The following HSP90AA1 variants were observed in gnomAD, a reference collection of about 807,000 sequenced individuals.
HSP90AA1 encodes the protein heat shock protein HSP 90-alpha.
Under a neutral mutation model 73.3 loss-of-function variants are expected in HSP90AA1, and 18 were observed. The observed-to-expected ratio is 0.25, with a 90% CI of 0.17 to 0.36. The LOEUF is 0.36. HSP90AA1 is among the 10% of genes least tolerant of loss of function. The probability of loss-of-function intolerance (pLI) is 1.00; values close to 1 mark genes in which losing one functional copy is unlikely to be tolerated. For synonymous variants in HSP90AA1, 477 were observed against 296.9 expected, an observed-to-expected ratio of 1.61 and a Z score of -6.24; for missense variants, 704 against 874.2, an observed-to-expected ratio of 0.81 and a Z score of 2.45.
Position 102,085,827 on chromosome 14 carries a change from G to C in HSP90AA1, c.460C>G (p.His154Asp). Residue 154 changes from histidine to aspartate, a missense_variant, in exon 3 of 11, where the codon CAT (histidine) becomes GAT (aspartate). Coordinates refer to ENST00000216281, the MANE Select transcript of HSP90AA1 (RefSeq NM_005348.4). ...CAAGCGTACTGCTCATCATCGTTATGTTTGGTGATCACAGTTACTTTCTCA... is the reference window on the plus strand; with the variant it reads ...CAAGCGTACTGCTCATCATCGTTATCTTTGGTGATCACAGTTACTTTCTCA... ...VAEKVTVITK[H>D]NDDEQYAWES... The C allele has an allele frequency of 6.2e-7, 1 of 1,613,912 alleles. No homozygotes were observed. The highest frequency in any genetic ancestry group is 8.5e-7 in the Non-Finnish European group (1 of 1,179,850).
rs762349328 is a variant in HSP90AA1 at position 102,084,847 on chromosome 14, C to A, written c.815G>T (p.Gly272Val). Residue 272 changes from glycine (G) to valine (V), a missense_variant, in exon 5 of 11, where the codon GGT (glycine) becomes GTT (valine). By Grantham distance (109) the Gly-to-Val change is moderately radical. Transcript: ENST00000216281. Reference protein sequence around the residue: ...GSDEEEEKKDGDKKKKKKIKE... With the variant: ...GSDEEEEKKDVDKKKKKKIKE... ...AATCTTCTTCTTCTTCTTCTTGTCA[C>A]CATCCTTCTTTTCTTCTTCCTCATC... The A allele has an allele frequency of 1.9e-6, 3 of 1,591,154 alleles. No individual in the cohort carries two copies. The highest frequency in any genetic ancestry group is 2.6e-6 in the Non-Finnish European group (3 of 1,159,308).
At chr14:102,117,208 G>A (rs531905833) in intron 1 of HSP90AA1, among the ~76,000 whole-genome samples, 28 of 152,288 alleles carry the variant, frequency 1.8e-4, no homozygotes, top group Non-Finnish European at 3.2e-4. Flanking sequence ...CCTGGGTGCC[G>A]TGAAAAGTTG....
intron 9 of HSP90AA1, chr14:102,082,822 G>A (rs868147490): frequency 2.6e-5 from 15 of 584,184 alleles, no homozygotes; most frequent in African/African-American, 1.1e-4. Context: ...GAGTTTCACC[G>A]TGTTAGCCAG....
chr14:102,099,334 A>G (rs1198639231), intron 2 of HSP90AA1, among the ~76,000 whole-genome samples: 5 of 151,994 alleles, frequency 3.3e-5, no homozygotes, highest in Admixed American at 2.0e-4. Flanking sequence ...CGAGGCATGC[A>G]GATCACCTGA....
chr14:102,137,531 G>A (rs1051843547), intron 1 of HSP90AA1, among the ~76,000 whole-genome samples: 6 of 151,614 alleles, frequency 4.0e-5, no homozygotes, highest in African/African-American at 1.2e-4. Flanking sequence ...TCACCATGTT[G>A]GCCAGGCGGT....
intron 1 of HSP90AA1, among the ~76,000 whole-genome samples, chr14:102,113,463 C>T (rs2049667789): frequency 2.0e-5 from 3 of 151,918 alleles, no homozygotes; most frequent in Non-Finnish European, 2.9e-5. Context: ...TTGCTGTAAC[C>T]TCCGCCTCCC....
At chr14:102,112,257 G>C (rs1265667299) in intron 1 of HSP90AA1, among the ~76,000 whole-genome samples, 1 of 152,120 alleles carries the variant, frequency 6.6e-6, no homozygotes, top group Non-Finnish European at 1.5e-5. Flanking sequence ...ACTGCAGCCT[G>C]TGCCTCCTGG....
intron 1 of HSP90AA1, among the ~76,000 whole-genome samples, chr14:102,123,341 C>CACA (rs1370756298): frequency 6.6e-6 from 1 of 152,004 alleles, no homozygotes; most frequent in African/African-American, 2.4e-5. Flanking sequence ...GAGCCAAGAT[C>CACA]ACAACCACTG....
Position 102,083,642 on chromosome 14 carries a change from T to G in HSP90AA1, c.1390A>C (p.Arg464=). 1.2e-6 allele frequency: 2 copies of G among 1,613,436 alleles called. No homozygotes were observed. Among genetic ancestry groups the G allele is most frequent in the Non-Finnish European group, 8.5e-7 (1 of 1,179,488 alleles). The change falls in exon 8 of 11, where the codon AGG becomes CGG. Residue 464 remains arginine (R), a synonymous_variant. Transcript: ENST00000216281. ...TCACCAGAGGCAGATGTGTAGTACC[T>G]TAACAGCTCTGAAAGCTTCTTCCGA... is the stretch of plus-strand genomic sequence containing the variant. The part of the protein sequence containing the change: ...QNRKKLSELL[R]YYTSASGDEM...
At chr14:102,131,199 C>T (rs561164856) in intron 1 of HSP90AA1, among the ~76,000 whole-genome samples, 21 of 152,346 alleles carry the variant, frequency 1.4e-4, no homozygotes, top group African/African-American at 5.1e-4. Context: ...CATGCTCTTC[C>T]TCAGCCTTCC....
intron 1 of HSP90AA1, among the ~76,000 whole-genome samples, chr14:102,117,162 C>T (rs1411392370): frequency 6.6e-6 from 1 of 152,128 alleles, no homozygotes; most frequent in African/African-American, 2.4e-5. Flanking sequence ...AAGGGCAGCT[C>T]GGCACTGGCC....
chr14:102,086,631 C>T (rs2049245515), intron 1 of HSP90AA1, among the ~76,000 whole-genome samples: 3 of 151,510 alleles, frequency 2.0e-5, no homozygotes, highest in Non-Finnish European at 4.4e-5. Context: ...CAACGAACAC[C>T]CCGGGTGCCC....
Position 102,082,392 on chromosome 14 carries a change from G to C in HSP90AA1, c.1808C>G (p.Thr603Arg). ...VTSPCCIVTS[T>R]YGWTANMERI... ...CTCCATGTTTGCTGTCCAGCCATAT[G>C]TGCTTGTGACAATACAGCATGGAGA... The change falls in exon 10 of 11, where the codon ACA becomes AGA. Residue 603 changes from threonine to arginine, a missense_variant. Coordinates refer to ENST00000216281, the MANE Select transcript of HSP90AA1 (RefSeq NM_005348.4). The C allele has an allele frequency of 6.2e-7, 1 of 1,613,870 alleles. No homozygotes were observed. Among genetic ancestry groups the C allele is most frequent in the Non-Finnish European group, 8.5e-7 (1 of 1,179,964 alleles).
intron 3 of HSP90AA1, 34 bp downstream of exon 3, chr14:102,085,724 C>T (rs367863816): frequency 3.7e-6 from 6 of 1,613,742 alleles, no homozygotes; most frequent in East Asian, 4.5e-5. Flanking sequence ...ACCCTTCCAC[C>T]GCTCACTTAA....
intron 1 of HSP90AA1, among the ~76,000 whole-genome samples, chr14:102,133,300 G>C (rs1357059946): frequency 6.6e-6 from 1 of 151,862 alleles, no homozygotes; most frequent in Non-Finnish European, 1.5e-5. Context: ...CAAAACAATA[G>C]AAGATAATTA....
Position 102,083,532 on chromosome 14 carries a change from T to G in HSP90AA1, c.1486+14A>C. Reference sequence around the variant, plus strand: ...AAGAACGACGTGTATGACTGTAACATAGTGTTCTCTTACCTGTGATATAAT... The same window carrying G: ...AAGAACGACGTGTATGACTGTAACAGAGTGTTCTCTTACCTGTGATATAAT... On this transcript the variant is annotated intron_variant, in intron 8 of 10. Transcript: ENST00000216281. 5 of 1,611,732 alleles carry G rather than the reference T, an allele frequency of 3.1e-6. No homozygotes were observed. The highest frequency in any genetic ancestry group is 4.2e-6 in the Non-Finnish European group (5 of 1,178,448).
rs189669944 is a variant in HSP90AA1, at chr14:102,126,336, A to G, written c.155+12914T>C. Among the ~76,000 whole-genome samples the G allele has an allele frequency of 9.8e-5, 15 of 152,342 alleles. No individual in the cohort carries two copies. In the East Asian group the frequency reaches 2.9e-3, roughly 29 times the overall value. On this transcript the variant is annotated intron_variant, in intron 1 of 11. Transcript: ENST00000334701. Reference sequence around the variant, plus strand: ...ACATGGAAACACCAGGAAAAGAGAAAAACAAAACGCAAAAATATGAAGAAG... The same window carrying G: ...ACATGGAAACACCAGGAAAAGAGAAGAACAAAACGCAAAAATATGAAGAAG...
intron 1 of HSP90AA1, among the ~76,000 whole-genome samples, chr14:102,111,464 C>G (rs1381941345): frequency 1.3e-5 from 2 of 152,224 alleles, no homozygotes; most frequent in African/African-American, 4.8e-5. Flanking sequence ...GGTTTGGGAA[C>G]CTCTGCCTAG....
At chr14:102,114,873 G>C (rs1032935252) in intron 1 of HSP90AA1, among the ~76,000 whole-genome samples, 1 of 152,070 alleles carries the variant, frequency 6.6e-6, no homozygotes, top group Non-Finnish European at 1.5e-5. Context: ...GGTGGCTCAC[G>C]CCTGTAATCC....
Sources: allele counts gnomAD v4.1 joint callset (sites outside exome capture counted in the v4.1 genomes callset), GRCh38; gene constraint gnomAD v4.1.1; transcripts MANE v1.5; gene names NCBI Gene and HGNC (gene_info 2026-07-23, HGNC 2026-07-21).